Variants in MARF1 observed in about 807,000 individuals in gnomAD.
The protein encoded by MARF1 is limkain-b1.
A neutral mutation model predicts 168.2 loss-of-function variants in MARF1; 24 were observed. That is an observed-to-expected ratio of 0.14 (90% CI 0.10 to 0.20). MARF1 has a LOEUF of 0.20. Among genes scored for constraint, MARF1 ranks in the 10% least tolerant of loss-of-function variants. The pLI is 1.00. For synonymous variants in MARF1, 868 were observed against 822.4 expected (o/e 1.06, Z -0.95); for missense variants, 1,744 against 2,143.6 (o/e 0.81, Z 3.68).
chr16:15,596,641 G>T lies in MARF1; in HGVS notation c.*52C>A, dbSNP rs945132916. ...ATGTATTTTTGAAACCCACTTTTGT[G>T]TGCAGAATCAGACAGTGTTTTCCCA... On this transcript the variant is annotated 3_prime_UTR_variant, in exon 27 of 27. Coordinates refer to ENST00000396368, the MANE Select transcript of MARF1 (RefSeq NM_014647.4). The T allele has an allele frequency of 2.0e-6, 3 of 1,492,362 alleles. No homozygotes were observed. In the South Asian group the frequency reaches 4.2e-5, roughly 21 times the overall value. The allele number at this position is 1,492,362 out of a possible 1,614,324, so 92.4% of individuals were successfully genotyped here. A position where few individuals can be genotyped will look rare whatever the true frequency, so the allele number is the denominator to read the frequency against.
At chr16:15,597,869 G>C (rs912499519) in intron 26 of MARF1, among the ~76,000 whole-genome samples, 1 of 152,254 alleles carries the variant, frequency 6.6e-6, no homozygotes, top group Non-Finnish European at 1.5e-5. Flanking sequence ...GCATGGTCTA[G>C]GTCTGACTGC....
Position 15,614,176 on chromosome 16 carries a change from CT to C in MARF1, c.3254-1400del, listed in dbSNP as rs370536582. ...TATTTCCTTCAAATACCTGAAAGTACTTTTTTTTTTAAAGACAGAGTTTCGG... is the reference window on the plus strand; with the variant it reads ...TATTTCCTTCAAATACCTGAAAGTACTTTTTTTTTAAAGACAGAGTTTCGG... On this transcript the variant is annotated intron_variant, in intron 16 of 26. Coordinates refer to ENST00000396368, the MANE Select transcript of MARF1 (RefSeq NM_014647.4). 2.2e-4 allele frequency among the ~76,000 whole-genome samples: 33 copies of C among 149,426 alleles called. 1 individual carries two copies. The East Asian group carries it at 2.5e-3, about 12-fold the overall frequency.
rs2033674331 is a variant in MARF1, at chr16:15,612,677, GAC to G, written c.3352_3353del (p.Val1118HisfsTer30). 6.2e-7 allele frequency: 1 copy of G among 1,614,070 alleles called. No individual in the cohort carries two copies. The highest frequency in any genetic ancestry group is 8.5e-7 in the Non-Finnish European group (1 of 1,180,024). On this transcript the variant is annotated frameshift_variant, in exon 17 of 27. Transcript: ENST00000396368. LOFTEE classifies it high-confidence loss of function. ...IDLLKSQPSC[V>X]IPISHFIPSY... is the part of the protein sequence containing the mutation. Reference sequence around the variant, plus strand: ...ATGGGATGAAATGACTGATGGGTATGACACAAGATGGCTGGCTTTTCAGCAAG... The same window carrying G: ...ATGGGATGAAATGACTGATGGGTATGACAAGATGGCTGGCTTTTCAGCAAG...
chr16:15,616,039 G>T, intron 15 of MARF1, 34 bp from the exon 16 acceptor site: 1 of 1,427,628 alleles, frequency 7.0e-7, no homozygotes, highest in South Asian at 1.6e-5. Flanking sequence ...AAAAGGAAAG[G>T]TTAAATCAAA....
intron 2 of MARF1, among the ~76,000 whole-genome samples, chr16:15,637,691 C>T (rs2077103411): frequency 1.3e-5 from 2 of 152,172 alleles, no homozygotes; most frequent in Admixed American, 1.3e-4. Context: ...TTGTGTGACT[C>T]CATGAGGACC....
Position 15,622,973 on chromosome 16 carries a change from C to A in MARF1, c.2421G>T (p.Leu807=). The change falls in exon 11 of 27, where the codon CTG becomes CTT. Residue 807 remains leucine, a synonymous_variant. Coordinates refer to ENST00000396368, the MANE Select transcript of MARF1 (RefSeq NM_014647.4). ...CAAATGCTTCCTGCAGGAGCTGCTG[C>A]AGCTCCTTCCGGGATAATCTGTAGT... ...NIDYRLSRKE[L]QQLLQEAFAR... 6.3e-7 allele frequency: 1 copy of A among 1,590,836 alleles called. No homozygotes were observed. The highest frequency in any genetic ancestry group is 8.6e-7 in the Non-Finnish European group (1 of 1,161,866).
intron 2 of MARF1, 84 bp from the exon 3 acceptor site, chr16:15,636,426 A>G (rs959915694): frequency 5.3e-6 from 5 of 943,854 alleles, no homozygotes; most frequent in Non-Finnish European, 7.9e-6. Flanking sequence ...ATGCACAAAC[A>G]GAAATAGTGT....
At chr16:15,616,602 T>C (rs982855135) in intron 15 of MARF1, among the ~76,000 whole-genome samples, 5 of 152,184 alleles carry the variant, frequency 3.3e-5, no homozygotes, top group East Asian at 1.9e-4. Flanking sequence ...TGCTGCTTCA[T>C]GATGGGGATA....
At chr16:15,624,219 G>A (rs534275377) in intron 10 of MARF1, among the ~76,000 whole-genome samples, 13 of 152,250 alleles carry the variant, frequency 8.5e-5, no homozygotes, top group African/African-American at 2.6e-4. Flanking sequence ...ACGCCCGGCT[G>A]ATCCATAGTC....
intron 7 of MARF1, among the ~76,000 whole-genome samples, chr16:15,629,732 A>G (rs1421963098): frequency 2.6e-5 from 4 of 152,208 alleles, no homozygotes; most frequent in Admixed American, 2.0e-4. Flanking sequence ...TCCCAAGTCA[A>G]GTCTATCAGA....
At position 15,600,465 on chromosome 16, in the gene MARF1, G is replaced by A; in HGVS notation, c.4776C>T (p.His1592=). 1 of 1,614,162 alleles carries A rather than the reference G, an allele frequency of 6.2e-7. No individual in the cohort carries two copies. Among genetic ancestry groups the A allele is most frequent in the Non-Finnish European group, 8.5e-7 (1 of 1,180,036 alleles). The part of the protein sequence containing the change: ...GERILEVPES[H]TASELKLGAD... Reference sequence around the variant, plus strand: ...CTCCAAGCTTGAGTTCCGAGGCTGTGTGCGATTCGGGCACCTCCAGGATGC... The same window carrying A: ...CTCCAAGCTTGAGTTCCGAGGCTGTATGCGATTCGGGCACCTCCAGGATGC... The change falls in exon 25 of 27, where the codon CAC becomes CAT. Residue 1592 remains histidine, a synonymous_variant. Coordinates refer to ENST00000396368, the MANE Select transcript of MARF1 (RefSeq NM_014647.4).
chr16:15,625,735 G>C lies in MARF1; in HGVS notation c.1590C>G (p.Asn530Lys). The change falls in exon 8 of 27, where the codon AAC (asparagine) becomes AAG (lysine). Residue 530 changes from asparagine (N) to lysine (K), a missense_variant. Coordinates refer to ENST00000396368, the MANE Select transcript of MARF1 (RefSeq NM_014647.4). ...AATTATCGGACAGGCGTCTGAGCCT[G>C]TTGCTGACGCTCTTGCCATCCTTAT... is the stretch of plus-strand genomic sequence containing the variant. ...PANKDGKSVSNRLRRLSDNCG... is the reference protein window; with the variant it reads ...PANKDGKSVSKRLRRLSDNCG... 1.2e-6 allele frequency: 2 copies of C among 1,614,154 alleles called. No individual in the cohort carries two copies. The highest frequency in any genetic ancestry group is 1.7e-6 in the Non-Finnish European group (2 of 1,180,006).
In MARF1 at chr16:15,619,904, C is replaced by T. The variant is rs149092293; in HGVS notation, c.2720+547G>A. On this transcript the variant is annotated intron_variant, in intron 13 of 26. Coordinates refer to ENST00000396368, the MANE Select transcript of MARF1 (RefSeq NM_014647.4). ...CTTGGCCAGGCGCAGTGGCTCACAC[C>T]TGTAATCCTAGCACTTTGGGAGGCT... Among the ~76,000 whole-genome samples, 1,401 of 152,318 alleles carry T rather than the reference C, an allele frequency of 9.2e-3. 15 individuals carry two copies. Among genetic ancestry groups the T allele is most frequent in the African/African-American group, 0.03 (1,235 of 41,562 alleles).
chr16:15,625,411 A>G lies in MARF1; in HGVS notation c.1914T>C (p.Ser638=). 1.2e-6 allele frequency: 2 copies of G among 1,609,028 alleles called. No individual in the cohort carries two copies. Among genetic ancestry groups the G allele is most frequent in the East Asian group, 4.5e-5 (2 of 44,842 alleles). The change falls in exon 8 of 27, where the codon TCT becomes TCC. Residue 638 remains serine (S), a synonymous_variant. Coordinates refer to ENST00000396368, the MANE Select transcript of MARF1 (RefSeq NM_014647.4). Reference sequence around the variant, plus strand: ...CATTTGTATTTTTTGTAGCAGATCCAGAATTTGCCTGTGACCCTTTTCCAG... The same window carrying G: ...CATTTGTATTTTTTGTAGCAGATCCGGAATTTGCCTGTGACCCTTTTCCAG... The part of the protein sequence containing the change: ...ATPGKGSQAN[S]GSATKNTNVK...
In MARF1 at chr16:15,625,471, A is replaced by G; in HGVS notation, c.1854T>C (p.Asp618=). ...TGGCACTGGAAGATTGTTCACTTGCATCTTTGATGAGGCACAATTTTGGAT... is the reference window on the plus strand; with the variant it reads ...TGGCACTGGAAGATTGTTCACTTGCGTCTTTGATGAGGCACAATTTTGGAT... The part of the protein sequence containing the change: ...LKNPKLCLIK[D]ASEQSSSAKA... The change falls in exon 8 of 27, where the codon GAT becomes GAC. Residue 618 remains aspartate (D), a synonymous_variant. Transcript: ENST00000396368. 1 of 1,614,202 alleles carries G rather than the reference A, an allele frequency of 6.2e-7. No homozygotes were observed. Among genetic ancestry groups the G allele is most frequent in the Non-Finnish European group, 8.5e-7 (1 of 1,180,026 alleles).
intron 10 of MARF1, among the ~76,000 whole-genome samples, chr16:15,623,384 A>G (rs1249711008): frequency 6.8e-6 from 1 of 146,908 alleles, no homozygotes; most frequent in Admixed American, 7.0e-5. Context: ...GATTCAAGCA[A>G]TTCTCCTGTC....
chr16:15,611,446 CAA>C (rs995305393), intron 18 of MARF1, 144 bp downstream of exon 18: 33,476 of 414,742 alleles, frequency 0.081, 134 homozygotes, highest in Non-Finnish European at 0.089. Flanking sequence ...GACTCCGTCT[CAA>C]AAAAAAAAAA....
At chr16:15,631,716 G>A (rs1228445471) in intron 5 of MARF1, among the ~76,000 whole-genome samples, 2 of 152,060 alleles carry the variant, frequency 1.3e-5, no homozygotes, top group Non-Finnish European at 2.9e-5. Flanking sequence ...ACATGTATTA[G>A]GTATTTGTTC....
At chr16:15,609,872 A>C (rs904348083) in intron 19 of MARF1, 147 bp from the exon 20 acceptor site, 11 of 666,962 alleles carry the variant, frequency 1.6e-5, no homozygotes, top group African/African-American at 1.6e-4. Flanking sequence ...AAACACATAT[A>C]CTCTTCCCTC....
Sources: allele counts gnomAD v4.1 joint callset (sites outside exome capture counted in the v4.1 genomes callset), GRCh38; gene constraint gnomAD v4.1.1; transcripts MANE v1.5; gene names NCBI Gene and HGNC (gene_info 2026-07-23, HGNC 2026-07-21).